The following MAF variants were observed in gnomAD, a reference collection of about 807,000 sequenced individuals.
The protein encoded by MAF is transcription factor Maf.
In MAF, 10 loss-of-function variants were observed where a neutral mutation model predicts 22.0. That is an observed-to-expected ratio of 0.45 (90% CI 0.28 to 0.77). The LOEUF (loss-of-function observed/expected upper bound fraction) is 0.77. MAF is among the 30% of genes least tolerant of loss of function. The pLI is 0.12. For synonymous variants in MAF, 337 were observed against 255.8 expected, an observed-to-expected ratio of 1.32 and a Z score of -3.03; for missense variants, 544 against 548.4, an observed-to-expected ratio of 0.99 and a Z score of 0.08.
chr16:79,211,792 G>C, the MAF span: 1 of 1,614,044 alleles, frequency 6.2e-7, no homozygotes, highest in Non-Finnish European at 8.5e-7. Flanking sequence ...AGCCAGTCCG[G>C]CTAAGTGGAG....
chr16:79,213,859 G>C, the MAF span, among the ~76,000 whole-genome samples: 1 of 152,212 alleles, frequency 6.6e-6, no homozygotes, highest in Non-Finnish European at 1.5e-5. Context: ...AAAGCTAACT[G>C]ATACAGCTTC....
chr16:79,505,949 G>C, the MAF span, among the ~76,000 whole-genome samples: 2 of 151,854 alleles, frequency 1.3e-5, no homozygotes, highest in South Asian at 2.1e-4. Context: ...GGAAGGAAAA[G>C]AGAAAGAAAG....
the MAF span, among the ~76,000 whole-genome samples, chr16:79,236,465 G>A: frequency 7.2e-5 from 11 of 152,044 alleles, no homozygotes; most frequent in Non-Finnish European, 1.3e-4. Context: ...TCCTGCACCT[G>A]CTTCTCCAGT....
the MAF span, among the ~76,000 whole-genome samples, chr16:79,401,227 A>G: frequency 6.6e-6 from 1 of 152,132 alleles, no homozygotes; most frequent in African/African-American, 2.4e-5. Context: ...GCATTTCTTG[A>G]TTTCCTTTTT....
the MAF span, among the ~76,000 whole-genome samples, chr16:79,524,575 A>G: frequency 6.6e-6 from 1 of 152,228 alleles, no homozygotes; most frequent in Non-Finnish European, 1.5e-5. Flanking sequence ...AGGTTCCTCC[A>G]TCATTGCACT....
the MAF span, among the ~76,000 whole-genome samples, chr16:79,546,279 A>G: frequency 7.3e-6 from 1 of 136,336 alleles, no homozygotes; most frequent in Non-Finnish European, 1.6e-5. Flanking sequence ...CCCAAATGAA[A>G]ATCAAAATCA....
At chr16:79,354,559 G>A in the MAF span, among the ~76,000 whole-genome samples, 1 of 152,210 alleles carries the variant, frequency 6.6e-6, no homozygotes, top group Admixed American at 6.5e-5. Context: ...GAGAGAAGTA[G>A]AGAAGGTGTA....
At chr16:79,252,811 G>C in the MAF span, among the ~76,000 whole-genome samples, 135 of 152,154 alleles carry the variant, frequency 8.9e-4, no homozygotes, top group African/African-American at 3.1e-3. Context: ...TTTTGCCCCT[G>C]TGAGTTACTA....
chr16:79,223,655 C>T, the MAF span, among the ~76,000 whole-genome samples: 14 of 152,186 alleles, frequency 9.2e-5, no homozygotes, highest in African/African-American at 3.4e-4. Context: ...TAAATAGACT[C>T]AATAAAAAAT....
the MAF span, among the ~76,000 whole-genome samples, chr16:79,346,684 T>A: frequency 6.6e-6 from 1 of 152,186 alleles, no homozygotes; most frequent in African/African-American, 2.4e-5. Context: ...CCATATGTCT[T>A]CTACACGGGG....
chr16:79,447,905 A>AAAAAAAAAAAAAAAAAAAAG, the MAF span, among the ~76,000 whole-genome samples: 153 of 85,800 alleles, frequency 1.8e-3, 5 homozygotes, highest in East Asian at 6.5e-3. Flanking sequence ...AAAAAAAAAA[A>AAAAAAAAAAAAAAAAAAAAG]AAAAGAAAAG....
At chr16:79,437,546 C>A in the MAF span, among the ~76,000 whole-genome samples, 11 of 152,124 alleles carry the variant, frequency 7.2e-5, no homozygotes, top group Admixed American at 6.5e-5. Context: ...GTACCCAGAG[C>A]CAGCCACTGC....
At chr16:79,456,235 A>G in the MAF span, among the ~76,000 whole-genome samples, 3 of 152,082 alleles carry the variant, frequency 2.0e-5, no homozygotes, top group Admixed American at 6.6e-5. Flanking sequence ...TCCTGTGCAG[A>G]AAACTTCCCC....
chr16:79,493,764 C>T, the MAF span, among the ~76,000 whole-genome samples: 15 of 152,324 alleles, frequency 9.8e-5, no homozygotes, highest in Non-Finnish European at 1.8e-4. Flanking sequence ...ATCATGAAAA[C>T]ATTTTCTTTG....
chr16:79,441,427 C>T, the MAF span, among the ~76,000 whole-genome samples: 15 of 152,300 alleles, frequency 9.8e-5, no homozygotes, highest in East Asian at 2.7e-3. Context: ...GCAGACTGTA[C>T]ACCTCCCAAG....
At chr16:79,546,610 G>A in the MAF span, among the ~76,000 whole-genome samples, 5 of 152,302 alleles carry the variant, frequency 3.3e-5, no homozygotes, top group East Asian at 9.7e-4. Context: ...ATTCTTTGAA[G>A]AAGGAAGAAG....
the MAF span, among the ~76,000 whole-genome samples, chr16:79,296,316 C>A: frequency 1.3e-5 from 2 of 152,100 alleles, no homozygotes; most frequent in Non-Finnish European, 2.9e-5. Flanking sequence ...CAGCTCTGAA[C>A]AATGAGAATA....
At chr16:79,335,842 G>C in the MAF span, among the ~76,000 whole-genome samples, 1 of 152,156 alleles carries the variant, frequency 6.6e-6, no homozygotes, top group African/African-American at 2.4e-5. Flanking sequence ...TGCTCAGAGG[G>C]GACAAGAGGC....
chr16:79,481,485 CT>C, the MAF span, among the ~76,000 whole-genome samples: 1 of 152,104 alleles, frequency 6.6e-6, no homozygotes, highest in East Asian at 1.9e-4. Flanking sequence ...CCTACACCCC[CT>C]AGACGTTACC....
Sources: gnomAD v4.1 joint callset for allele counts (sites outside exome capture counted in the v4.1 genomes callset) on GRCh38, gnomAD v4.1.1 for gene constraint, MANE v1.5 for transcripts, NCBI Gene and HGNC (gene_info 2026-07-23, HGNC 2026-07-21) for gene names.